LARP4B: variants seen among roughly 807,000 people sequenced by gnomAD.
The protein encoded by LARP4B is la-related protein 4B.
LARP4B carries 12 observed loss-of-function variants against 89.8 expected under a neutral mutation model. The ratio of observed to expected loss-of-function variants is 0.13; its 90% CI spans 0.09 to 0.22. LARP4B has a LOEUF of 0.22. Among genes scored for constraint, LARP4B ranks in the 10% least tolerant of loss-of-function variants. The pLI, the probability that LARP4B is intolerant of heterozygous loss-of-function variation, is 1.00. For missense variants in LARP4B, 757 were observed against 947.7 expected (o/e 0.80, Z 2.64); for synonymous variants, 367 against 363.3 (o/e 1.01, Z -0.12).
intron 1 of LARP4B, among the ~76,000 whole-genome samples, chr10:899,106 T>C (rs1342493445): frequency 5.3e-5 from 8 of 152,222 alleles, no homozygotes; most frequent in Non-Finnish European, 1.5e-5. Flanking sequence ...TTTCTTACAA[T>C]ATGGTACTTA....
At chr10:987,808 AC>A in the LARP4B span, 2 of 152,280 alleles carry the variant, frequency 1.3e-5, no homozygotes, top group Non-Finnish European at 2.9e-5. Flanking sequence ...ACTGCGCGGA[AC>A]CAGCTGCACC....
intron 3 of LARP4B, among the ~76,000 whole-genome samples, chr10:883,547 T>G (rs1835752291): frequency 6.6e-6 from 1 of 151,972 alleles, no homozygotes; most frequent in East Asian, 1.9e-4. Context: ...TAAAAATCAA[T>G]GTAAAACAGA....
rs113572102 is a variant in LARP4B, at chr10:812,984, G to A, written c.2159C>T (p.Ser720Leu). 8.7e-5 allele frequency: 137 copies of A among 1,580,318 alleles called. No individual in the cohort carries two copies. Among genetic ancestry groups the A allele is most frequent in the African/African-American group, 2.3e-4 (17 of 72,628 alleles). Residue 720 changes from serine to leucine, a missense_variant, in exon 18 of 18, where the codon TCG (serine) becomes TTG (leucine). Around this residue, in one of 5 missense-constraint regions of LARP4B, gnomAD observed 387 missense variants for 423.6 expected, o/e 0.91. Transcript: ENST00000316157. ...RRPAGGRPSP[S>L]AMGKRLSREQ... ...TCGGCTGAGACGCTTCCCCATGGCC[G>A]AGGGCGAGGGCCGGCCCCCCGCCGG...
In LARP4B at chr10:825,209, T is replaced by A. The variant is rs1481888371; in HGVS notation, c.1340A>T (p.Asn447Ile). The part of the protein sequence containing the change: ...IFNFTADRLI[N>I]GVRSPQTRQA... ...CCTTGTTTGTGGACTCCGGACACCATTAATTAATCGATCTGCAGTGAAGTT... is the reference window on the plus strand; with the variant it reads ...CCTTGTTTGTGGACTCCGGACACCAATAATTAATCGATCTGCAGTGAAGTT... The change falls in exon 13 of 18, where the codon AAT becomes ATT. Residue 447 changes from asparagine to isoleucine, a missense_variant. Physicochemically the swap from Asn to Ile is moderately radical, Grantham distance 149. Coordinates refer to ENST00000316157, the MANE Select transcript of LARP4B (RefSeq NM_015155.3). 6.2e-7 allele frequency: 1 copy of A among 1,614,196 alleles called. No individual in the cohort carries two copies. The highest frequency in any genetic ancestry group is 8.5e-7 in the Non-Finnish European group (1 of 1,180,044).
At chr10:824,312 G>A (rs1832508080) in intron 13 of LARP4B, among the ~76,000 whole-genome samples, 2 of 152,164 alleles carry the variant, frequency 1.3e-5, no homozygotes, top group South Asian at 4.1e-4. Flanking sequence ...GGGCAACACA[G>A]CGAGATCCTG....
chr10:948,643 T>G, the LARP4B span, among the ~76,000 whole-genome samples: 1 of 152,228 alleles, frequency 6.6e-6, no homozygotes, highest in African/African-American at 2.4e-5. Flanking sequence ...TCTGCTCCCT[T>G]TAAAGCCACA....
the LARP4B span, among the ~76,000 whole-genome samples, chr10:975,304 G>T: frequency 3.9e-5 from 6 of 152,310 alleles, no homozygotes; most frequent in East Asian, 1.2e-3. Context: ...CACACGTCCT[G>T]ATGCAGCAAT....
At chr10:981,310 C>T in the LARP4B span, among the ~76,000 whole-genome samples, 1 of 152,214 alleles carries the variant, frequency 6.6e-6, no homozygotes, top group African/African-American at 2.4e-5. Context: ...TCTGAGCCCT[C>T]CAAAGTCTTC....
At chr10:879,301 G>C (rs1835575716) in intron 3 of LARP4B, among the ~76,000 whole-genome samples, 2 of 152,244 alleles carry the variant, frequency 1.3e-5, no homozygotes, top group African/African-American at 4.8e-5. Flanking sequence ...CATCTGGTCA[G>C]AGTATCCCCC....
At chr10:808,278 C>T (rs905927293), downstream of LARP4B, 6 of 152,230 alleles carry the variant, frequency 3.9e-5, no homozygotes, top group Admixed American at 3.9e-4. Flanking sequence ...CAGTGCTGTG[C>T]ACAGAGAAGA....
intron 5 of LARP4B, among the ~76,000 whole-genome samples, chr10:850,481 G>A (rs1275632628): frequency 6.6e-6 from 1 of 152,174 alleles, no homozygotes; most frequent in Non-Finnish European, 1.5e-5. Flanking sequence ...CAAAATACGT[G>A]AAGCAAAAAC....
At chr10:847,212 G>A (rs1833817509) in intron 5 of LARP4B, among the ~76,000 whole-genome samples, 1 of 152,140 alleles carries the variant, frequency 6.6e-6, no homozygotes, top group Non-Finnish European at 1.5e-5. Context: ...CCTAAGATGA[G>A]AGATAATACC....
At chr10:868,654 T>G (rs1277307093) in intron 3 of LARP4B, among the ~76,000 whole-genome samples, 1 of 152,240 alleles carries the variant, frequency 6.6e-6, no homozygotes. Flanking sequence ...AGATGTAGTT[T>G]TATACTGTTT....
At chr10:838,957 G>A (rs965670066) in intron 7 of LARP4B, among the ~76,000 whole-genome samples, 4 of 152,132 alleles carry the variant, frequency 2.6e-5, no homozygotes, top group African/African-American at 9.7e-5. Context: ...ATCAAGCCAC[G>A]AAAAGACATG....
chr10:959,415 C>A, the LARP4B span, among the ~76,000 whole-genome samples: 1 of 116,856 alleles, frequency 8.6e-6, no homozygotes, highest in Non-Finnish European at 1.9e-5. Context: ...CCCCATCAAT[C>A]CACCTCCCCG....
intron 1 of LARP4B, among the ~76,000 whole-genome samples, chr10:922,854 C>T (rs547382635): frequency 6.6e-6 from 1 of 152,284 alleles, no homozygotes; most frequent in African/African-American, 2.4e-5. Flanking sequence ...AGGCAGATTG[C>T]TTGAGGTCAG....
chr10:866,447 T>C (rs1834899889), intron 3 of LARP4B, among the ~76,000 whole-genome samples: 1 of 152,206 alleles, frequency 6.6e-6, no homozygotes, highest in Non-Finnish European at 1.5e-5. Context: ...GCAGGTGTGA[T>C]GGTGAAGGAA....
chr10:882,380 T>C (rs1036802432), intron 3 of LARP4B, among the ~76,000 whole-genome samples: 3 of 151,854 alleles, frequency 2.0e-5, no homozygotes, highest in African/African-American at 7.3e-5. Context: ...TCATACTAAA[T>C]AGGGAAACCA....
At chr10:853,053 A>C (rs1834133845) in intron 5 of LARP4B, among the ~76,000 whole-genome samples, 1 of 152,216 alleles carries the variant, frequency 6.6e-6, no homozygotes, top group Non-Finnish European at 1.5e-5. Context: ...TGAACCCCCC[A>C]ACAAAAATCT....
Sources: gnomAD v4.1 joint callset for allele counts (sites outside exome capture counted in the v4.1 genomes callset) on GRCh38, gnomAD v4.1.1 for gene constraint, gnomAD v4.1.1 regional missense constraint, MANE v1.5 for transcripts, NCBI Gene and HGNC (gene_info 2026-07-23, HGNC 2026-07-21) for gene names.